Variants in PRR16 observed in about 807,000 individuals in gnomAD.
The protein encoded by PRR16 is proline rich 16, also known as protein Largen.
A neutral mutation model predicts 18.2 loss-of-function variants in PRR16; 6 were observed. That is an observed-to-expected ratio of 0.33 (90% CI 0.18 to 0.65). The LOEUF (loss-of-function observed/expected upper bound fraction) is 0.65, where lower values mean the gene tolerates loss of function less well. Ranked by LOEUF, PRR16 falls within the 30% of genes least tolerant of loss-of-function variation. The pLI is 0.74. For synonymous variants in PRR16, 151 were observed against 147.8 expected, an observed-to-expected ratio of 1.02 and a Z score of -0.16; for missense variants, 412 against 376.6, an observed-to-expected ratio of 1.09 and a Z score of -0.78.
intron 1 of PRR16, among the ~76,000 whole-genome samples, chr5:120,636,054 G>A (rs1755217461): frequency 6.6e-6 from 1 of 151,838 alleles, no homozygotes; most frequent in Non-Finnish European, 1.5e-5. Flanking sequence ...AAAATACTTA[G>A]GAATATACCT....
chr5:120,638,392 A>T (rs1755312189), intron 1 of PRR16, among the ~76,000 whole-genome samples: 1 of 152,092 alleles, frequency 6.6e-6, no homozygotes, highest in Non-Finnish European at 1.5e-5. Context: ...TAAACAATGT[A>T]TTTGAGCCAT....
chr5:120,724,936 G>T, the PRR16 span, among the ~76,000 whole-genome samples: 8 of 151,870 alleles, frequency 5.3e-5, no homozygotes, highest in Non-Finnish European at 1.0e-4. Context: ...AATATATATA[G>T]TATAATTTCA....
At chr5:120,493,627 C>A (rs988398615) in intron 1 of PRR16, among the ~76,000 whole-genome samples, 1 of 152,102 alleles carries the variant, frequency 6.6e-6, no homozygotes, top group Non-Finnish European at 1.5e-5. Flanking sequence ...AGTTACAGAA[C>A]AGCACCATTG....
At chr5:120,538,028 G>T (rs1007745797) in intron 1 of PRR16, among the ~76,000 whole-genome samples, 9 of 151,776 alleles carry the variant, frequency 5.9e-5, no homozygotes, top group Admixed American at 1.3e-4. Context: ...CGCCCGCCTC[G>T]GCCTCCCAAA....
chr5:120,534,741 A>G (rs1314834075), intron 1 of PRR16, among the ~76,000 whole-genome samples: 1 of 152,194 alleles, frequency 6.6e-6, no homozygotes, highest in African/African-American at 2.4e-5. Flanking sequence ...AGATCTTTAT[A>G]ATGTAAAATC....
chr5:120,503,309 T>G (rs540364991), intron 1 of PRR16, among the ~76,000 whole-genome samples: 1 of 152,290 alleles, frequency 6.6e-6, no homozygotes, highest in Non-Finnish European at 1.5e-5. Flanking sequence ...GATTTGAAGT[T>G]ACTTTAAATA....
rs570239241 is a variant in PRR16 at position 120,602,416 on chromosome 5, T to G, written c.160-83538T>G. On this transcript the variant is annotated intron_variant, in intron 1 of 1. Transcript: ENST00000407149. ...CTGATTTTTTTGTACATTGATTTTG[T>G]ATTAGGAATCTTTACTGAAGTTGTT... 5.9e-5 allele frequency among the ~76,000 whole-genome samples: 9 copies of G among 152,270 alleles called. No individual in the cohort carries two copies. The South Asian group carries it at 1.9e-3, about 31-fold the overall frequency.
At chr5:120,792,573 CT>C in the PRR16 span, among the ~76,000 whole-genome samples, 1 of 152,146 alleles carries the variant, frequency 6.6e-6, no homozygotes, top group Non-Finnish European at 1.5e-5. Context: ...ATAATCTTCA[CT>C]TCTTAACATT....
the PRR16 span, among the ~76,000 whole-genome samples, chr5:120,784,414 T>C: frequency 6.6e-6 from 1 of 152,332 alleles, no homozygotes; most frequent in East Asian, 1.9e-4. Flanking sequence ...TGGAGTGAAA[T>C]GATATCTCAT....
chr5:120,668,338 C>T (rs1352632159), intron 1 of PRR16, among the ~76,000 whole-genome samples: 2 of 150,468 alleles, frequency 1.3e-5, no homozygotes, highest in Non-Finnish European at 3.0e-5. Context: ...TATTTTGAGC[C>T]TATGTGTGTC....
the PRR16 span, among the ~76,000 whole-genome samples, chr5:120,757,002 G>C: frequency 6.6e-6 from 1 of 152,002 alleles, no homozygotes; most frequent in East Asian, 1.9e-4. Context: ...ATGGGGACAC[G>C]TAGGTAGGGG....
chr5:120,730,166 A>T, the PRR16 span, among the ~76,000 whole-genome samples: 1 of 152,164 alleles, frequency 6.6e-6, no homozygotes, highest in Non-Finnish European at 1.5e-5. Flanking sequence ...GCTTTTTAGC[A>T]GTGACAATGG....
the PRR16 span, among the ~76,000 whole-genome samples, chr5:120,752,331 C>G: frequency 6.6e-6 from 1 of 151,936 alleles, no homozygotes; most frequent in Non-Finnish European, 1.5e-5. Context: ...GAATAGATAA[C>G]AGTGGAGATA....
chr5:120,697,291 C>T, the PRR16 span, among the ~76,000 whole-genome samples: 195 of 152,250 alleles, frequency 1.3e-3, no homozygotes, highest in African/African-American at 4.3e-3. Flanking sequence ...CGCTAAACTC[C>T]GTCCCAATCA....
intron 1 of PRR16, among the ~76,000 whole-genome samples, chr5:120,645,666 A>G (rs1288968032): frequency 2.0e-5 from 3 of 152,026 alleles, no homozygotes; most frequent in African/African-American, 4.8e-5. Flanking sequence ...TTAAGGATAC[A>G]TATGTTTGTG....
intron 1 of PRR16, among the ~76,000 whole-genome samples, chr5:120,648,434 C>T (rs1755668205): frequency 1.3e-5 from 2 of 152,054 alleles, no homozygotes; most frequent in Non-Finnish European, 2.9e-5. Context: ...CTGTTTGTTC[C>T]ACCACCAGTA....
At chr5:120,615,384 CTTTT>C (rs10717083) in intron 1 of PRR16, among the ~76,000 whole-genome samples, 9 of 119,484 alleles carry the variant, frequency 7.5e-5, no homozygotes, top group African/African-American at 2.5e-4. Context: ...TCTTTCTTTT[CTTTT>C]TTTTTTTTTT....
At chr5:120,730,356 GTCCT>G in the PRR16 span, among the ~76,000 whole-genome samples, 1 of 152,108 alleles carries the variant, frequency 6.6e-6, no homozygotes, top group Non-Finnish European at 1.5e-5. Context: ...ATTAATTTAG[GTCCT>G]TCCTGTTATT....
intron 1 of PRR16, among the ~76,000 whole-genome samples, chr5:120,526,300 T>C (rs1381173992): frequency 6.6e-6 from 1 of 152,184 alleles, no homozygotes; most frequent in Admixed American, 6.5e-5. Flanking sequence ...GAACACGAAT[T>C]AGGGCATCTT....
Sources: gnomAD v4.1 joint callset for allele counts (sites outside exome capture counted in the v4.1 genomes callset) on GRCh38, gnomAD v4.1.1 for gene constraint, MANE v1.5 for transcripts, NCBI Gene and HGNC (gene_info 2026-07-23, HGNC 2026-07-21) for gene names.